The following SNX4 variants were observed in gnomAD, a reference collection of about 807,000 sequenced individuals.
The protein encoded by SNX4 is sorting nexin 4, also known as sorting nexin-4.
In SNX4, 49 loss-of-function variants were observed where a neutral mutation model predicts 70.8. That is an observed-to-expected ratio of 0.69 (90% CI 0.55 to 0.88). SNX4 has a LOEUF of 0.88. Among genes scored for constraint, SNX4 ranks in the 40% least tolerant of loss-of-function variants. SNX4 has a pLI of 0.00. For missense variants in SNX4, 528 were observed against 544.8 expected, an observed-to-expected ratio of 0.97 and a Z score of 0.31; for synonymous variants, 206 against 183.8, an observed-to-expected ratio of 1.12 and a Z score of -0.98.
At chr3:125,473,575 C>A (rs1183425109) in intron 8 of SNX4, among the ~76,000 whole-genome samples, 1 of 151,988 alleles carries the variant, frequency 6.6e-6, no homozygotes, top group Non-Finnish European at 1.5e-5. Flanking sequence ...CCATCATGCC[C>A]GGCTAATTTT....
intron 9 of SNX4, among the ~76,000 whole-genome samples, chr3:125,467,572 A>ATTT (rs147593637): frequency 6.6e-6 from 1 of 152,114 alleles, no homozygotes; most frequent in African/African-American, 2.4e-5. Flanking sequence ...GGTTATTATT[A>ATTT]TTATTTTTTT....
At position 125,447,788 on chromosome 3, in the gene SNX4, G is replaced by C. The variant is rs1285154096; in HGVS notation, c.1344C>G (p.Ser448Arg). 3 of 1,592,380 alleles carry C rather than the reference G, an allele frequency of 1.9e-6. No homozygotes were observed. The highest frequency in any genetic ancestry group is 2.3e-5 in the South Asian group (2 of 85,614). The change falls in exon 14 of 14, where the codon AGC (serine) becomes AGG (arginine). Residue 448 changes from serine to arginine, a missense_variant. By Grantham distance (110) the Ser-to-Arg change is moderately radical. Coordinates refer to ENST00000251775, the MANE Select transcript of SNX4 (RefSeq NM_003794.4). ...AATTCAATTCACAGGATTACATCTT[G>C]CTAAAGCATTCCTTAGCATTGGTCC... ...QVWTNAKECFSKM is the reference protein window; with the variant it reads ...QVWTNAKECFRKM
At chr3:125,519,790 G>T (rs1041576566) in intron 1 of SNX4, among the ~76,000 whole-genome samples, 2 of 151,856 alleles carry the variant, frequency 1.3e-5, no homozygotes, top group Non-Finnish European at 2.9e-5. Context: ...TCGCAGTCTC[G>T]ACACTTCCCT....
intron 12 of SNX4, among the ~76,000 whole-genome samples, chr3:125,452,110 ATT>A (rs111634536): frequency 1.4e-5 from 2 of 141,058 alleles, no homozygotes; most frequent in Admixed American, 7.1e-5. Flanking sequence ...CACGTTTAGC[ATT>A]TTTTTTTTTT....
Position 125,497,825 on chromosome 3 carries a change from G to C in SNX4, c.549+9C>G. The C allele has an allele frequency of 6.4e-7, 1 of 1,565,878 alleles. No individual in the cohort carries two copies. Among genetic ancestry groups the C allele is most frequent in the South Asian group, 1.2e-5 (1 of 82,810 alleles). On this transcript the variant is annotated intron_variant, in intron 4 of 13. Transcript: ENST00000251775. ...AATATTTTACTAAGACTAAATAAAA[G>C]AAAAATACCTGTGTTAAAAACAGAT...
chr3:125,481,761 C>T (rs1009917502), intron 6 of SNX4, among the ~76,000 whole-genome samples: 1 of 152,198 alleles, frequency 6.6e-6, no homozygotes, highest in Non-Finnish European at 1.5e-5. Context: ...AAAAACACTA[C>T]TGATGGTCTC....
chr3:125,478,627 T>C (rs1164342538), intron 7 of SNX4, among the ~76,000 whole-genome samples: 1 of 152,044 alleles, frequency 6.6e-6, no homozygotes, highest in Non-Finnish European at 1.5e-5. Flanking sequence ...ATTCTAACAC[T>C]AACTTTTCTA....
intron 9 of SNX4, among the ~76,000 whole-genome samples, chr3:125,461,871 C>A (rs1001420403): frequency 6.6e-6 from 1 of 152,032 alleles, no homozygotes; most frequent in African/African-American, 2.4e-5. Context: ...CCGTGTTAGC[C>A]AGGATGGTCT....
rs774171960 is a variant in SNX4, at chr3:125,497,822, A to G, written c.549+12T>C. 6 of 1,559,164 alleles carry G rather than the reference A, an allele frequency of 3.8e-6. No individual in the cohort carries two copies. In the South Asian group the frequency reaches 7.3e-5, roughly 19 times the overall value. On this transcript the variant is annotated intron_variant, in intron 4 of 13. Coordinates refer to ENST00000251775, the MANE Select transcript of SNX4 (RefSeq NM_003794.4). ...ATGAATATTTTACTAAGACTAAATA[A>G]AAGAAAAATACCTGTGTTAAAAACA...
At position 125,481,730 on chromosome 3, in the gene SNX4, T is replaced by C. The variant is rs1020034663; in HGVS notation, c.654-1411A>G. 3.3e-5 allele frequency among the ~76,000 whole-genome samples: 5 copies of C among 152,150 alleles called. No homozygotes were observed. The East Asian group carries it at 9.6e-4, about 29-fold the overall frequency. On this transcript the variant is annotated intron_variant, in intron 6 of 13. Coordinates refer to ENST00000251775, the MANE Select transcript of SNX4 (RefSeq NM_003794.4). ...CTGGGATTACAAGCGTGAGCCACCA[T>C]GCCTGGTCGAAATGTTTCTTAAAAA...
chr3:125,519,958 A>ACCCCC, intron 1 of SNX4, 74 bp downstream of exon 1: 1 of 718,668 alleles, frequency 1.4e-6, no homozygotes, highest in Non-Finnish European at 2.0e-6. Flanking sequence ...GGCCCAGCCC[A>ACCCCC]GCCCAGCCCA....
At chr3:125,475,907 G>C (rs1226671515) in intron 8 of SNX4, among the ~76,000 whole-genome samples, 2 of 150,652 alleles carry the variant, frequency 1.3e-5, no homozygotes, top group Admixed American at 6.6e-5. Flanking sequence ...GAGCCTGAGA[G>C]GCAGAGGTTG....
rs76742993 is a variant in SNX4, at chr3:125,479,898, C to T, written c.726+349G>A. Among the ~76,000 whole-genome samples the T allele has an allele frequency of 3.6e-3, 554 of 152,064 alleles. 5 individuals carry two copies. The highest frequency in any genetic ancestry group is 0.013 in the African/African-American group (519 of 41,480). ...AGCACAGACACAGGATGGCCTAACA[C>T]CTATAAACTATTTCACGGACCTTTA... On this transcript the variant is annotated intron_variant, in intron 7 of 13. Coordinates refer to ENST00000251775, the MANE Select transcript of SNX4 (RefSeq NM_003794.4).
At chr3:125,460,702 T>C (rs1933855573) in intron 10 of SNX4, 69 bp downstream of exon 10, 11 of 674,138 alleles carry the variant, frequency 1.6e-5, no homozygotes, top group Non-Finnish European at 7.7e-6. Flanking sequence ...CTATCTGTAC[T>C]TTACAGTGGC....
At chr3:125,459,359 C>T (rs1277316845) in intron 10 of SNX4, among the ~76,000 whole-genome samples, 2 of 152,150 alleles carry the variant, frequency 1.3e-5, no homozygotes, top group Non-Finnish European at 2.9e-5. Flanking sequence ...AATGGCTATA[C>T]ACCCTGGCCA....
Position 125,497,356 on chromosome 3 carries a change from A to G in SNX4, c.582T>C (p.Thr194=). The G allele has an allele frequency of 1.2e-6, 2 of 1,608,554 alleles. No homozygotes were observed. Among genetic ancestry groups the G allele is most frequent in the South Asian group, 1.1e-5 (1 of 90,768 alleles). The change falls in exon 5 of 14, where the codon ACT becomes ACC. Residue 194 remains threonine, a synonymous_variant. Transcript: ENST00000251775. ...EGNWKETVNE[T]GFQLKADSRL... Reference sequence around the variant, plus strand: ...ATATTCTTACCTTCAGCTGAAACCCAGTTTCATTCACAGTCTCCTTCCAGT... The same window carrying G: ...ATATTCTTACCTTCAGCTGAAACCCGGTTTCATTCACAGTCTCCTTCCAGT...
chr3:125,478,994 G>C (rs543740782), intron 7 of SNX4, among the ~76,000 whole-genome samples: 5 of 152,110 alleles, frequency 3.3e-5, no homozygotes, highest in Admixed American at 1.3e-4. Context: ...AGAGTCCAAC[G>C]ATACTCTTGA....
At chr3:125,515,664 C>CAAA (rs3030895) in intron 1 of SNX4, among the ~76,000 whole-genome samples, 3 of 102,442 alleles carry the variant, frequency 2.9e-5, no homozygotes, top group South Asian at 3.2e-4. Flanking sequence ...GACTTGGCCT[C>CAAA]AAAAAAAAAA....
intron 8 of SNX4, among the ~76,000 whole-genome samples, chr3:125,471,299 G>A (rs1032402030): frequency 2.2e-4 from 28 of 126,322 alleles, no homozygotes; most frequent in African/African-American, 5.7e-4. Context: ...AGCCGAGGTC[G>A]CGCCATTGCA....
Sources: allele counts gnomAD v4.1 joint callset (sites outside exome capture counted in the v4.1 genomes callset), GRCh38; gene constraint gnomAD v4.1.1; transcripts MANE v1.5; gene names NCBI Gene and HGNC (gene_info 2026-07-23, HGNC 2026-07-21).